QSOX2: variants seen among roughly 807,000 people sequenced by gnomAD.
QSOX2 encodes the protein sulfhydryl oxidase 2.
In QSOX2, 46 loss-of-function variants were observed where a neutral mutation model predicts 61.7. That is an observed-to-expected ratio of 0.75 (90% CI 0.59 to 0.95). The LOEUF is 0.95. Among genes scored for constraint, QSOX2 ranks in the 40% least tolerant of loss-of-function variants. The probability of loss-of-function intolerance (pLI) is 0.00; values close to 1 mark genes in which losing one functional copy is unlikely to be tolerated. For synonymous variants in QSOX2, 383 were observed against 388.4 expected (o/e 0.99, Z 0.16); for missense variants, 879 against 918.9 (o/e 0.96, Z 0.56).
intron 6 of QSOX2, among the ~76,000 whole-genome samples, chr9:136,220,738 T>C (rs1229240304): frequency 1.3e-5 from 2 of 151,996 alleles, no homozygotes; most frequent in Admixed American, 1.3e-4. Context: ...TGAGATGGAG[T>C]CTGACTCTGT....
At chr9:136,234,528 T>A (rs1363663781) in intron 1 of QSOX2, among the ~76,000 whole-genome samples, 3 of 152,112 alleles carry the variant, frequency 2.0e-5, no homozygotes, top group Non-Finnish European at 4.4e-5. Context: ...GGTGGCAAAT[T>A]CTTCTTGGCC....
chr9:136,228,851 T>C (rs1012294486), intron 1 of QSOX2, among the ~76,000 whole-genome samples: 1 of 152,220 alleles, frequency 6.6e-6, no homozygotes, highest in Non-Finnish European at 1.5e-5. Flanking sequence ...TGCCCACTTG[T>C]CTAAATCAAT....
chr9:136,244,522 TG>T (rs1299271598), intron 1 of QSOX2, among the ~76,000 whole-genome samples: 3 of 152,260 alleles, frequency 2.0e-5, no homozygotes, highest in Non-Finnish European at 4.4e-5. Flanking sequence ...AGTAGCAATT[TG>T]TTACAGATCT....
intron 1 of QSOX2, among the ~76,000 whole-genome samples, chr9:136,232,438 C>T (rs111618866): frequency 1.5e-4 from 23 of 152,220 alleles, no homozygotes; most frequent in South Asian, 4.1e-4. Context: ...ATGAGCCACA[C>T]GGCCTAGAAA....
chr9:136,230,193 G>C (rs1830317801), intron 1 of QSOX2, among the ~76,000 whole-genome samples: 1 of 152,204 alleles, frequency 6.6e-6, no homozygotes, highest in Non-Finnish European at 1.5e-5. Flanking sequence ...GCAAGAGAAT[G>C]GCATGAACCC....
Position 136,230,683 on chromosome 9 carries a change from C to T in QSOX2, c.329-3809G>A, listed in dbSNP as rs140057941. ...GTCTGCTGGTTGTTTCTACCTGTTA[C>T]TCTTCCATGATAAGCCAGTAAACAC... is the stretch of plus-strand genomic sequence containing the variant. On this transcript the variant is annotated intron_variant, in intron 1 of 11. Coordinates refer to ENST00000358701, the MANE Select transcript of QSOX2 (RefSeq NM_181701.4). Among the ~76,000 whole-genome samples the T allele has an allele frequency of 4.0e-3, 603 of 152,378 alleles. 3 individuals are homozygous for T. The highest frequency in any genetic ancestry group is 7.0e-3 in the Non-Finnish European group (477 of 68,036).
At chr9:136,240,685 AC>A (rs1402227414) in intron 1 of QSOX2, among the ~76,000 whole-genome samples, 1 of 152,076 alleles carries the variant, frequency 6.6e-6, no homozygotes, top group Non-Finnish European at 1.5e-5. Flanking sequence ...AACACAAATC[AC>A]CTAGAAGTTG....
At chr9:136,220,710 T>A (rs1831970623) in intron 6 of QSOX2, among the ~76,000 whole-genome samples, 1 of 152,120 alleles carries the variant, frequency 6.6e-6, no homozygotes, top group East Asian at 1.9e-4. Context: ...CCATTTTTCA[T>A]TTTCTTTCTT....
chr9:136,226,108 C>G (rs1588637355), intron 2 of QSOX2, among the ~76,000 whole-genome samples: 1 of 152,230 alleles, frequency 6.6e-6, no homozygotes, highest in Non-Finnish European at 1.5e-5. Context: ...CACCACACAG[C>G]AAGGCACCAG....
chr9:136,233,226 A>C (rs1425612447), intron 1 of QSOX2, among the ~76,000 whole-genome samples: 1 of 152,248 alleles, frequency 6.6e-6, no homozygotes, highest in Non-Finnish European at 1.5e-5. Flanking sequence ...AGGCCTGGGC[A>C]ATGAGAAACA....
chr9:136,222,224 G>GC lies in QSOX2; in HGVS notation c.676-284dup, dbSNP rs1409024883. 1.3e-5 allele frequency among the ~76,000 whole-genome samples: 2 copies of GC among 152,246 alleles called. No homozygotes were observed. The highest frequency in any genetic ancestry group is 4.8e-5 in the African/African-American group (2 of 41,528). ...GCACTTGACTTTCTAAAACCAGCGC[G>GC]CCCCCCACAACACTGATACTGGTCA... On this transcript the variant is annotated intron_variant, in intron 5 of 11. Coordinates refer to ENST00000358701, the MANE Select transcript of QSOX2 (RefSeq NM_181701.4). The surrounding 1 kb of genome is among the most constrained non-coding windows in gnomAD (Gnocchi z 6.9).
In QSOX2 at chr9:136,209,961, C is replaced by A. The variant is rs1831826012; in HGVS notation, c.1550-686G>T. On this transcript the variant is annotated intron_variant, in intron 11 of 11. Coordinates refer to ENST00000358701, the MANE Select transcript of QSOX2 (RefSeq NM_181701.4). This position sits in a 1 kb window ranked among gnomAD's most constrained non-coding sequence, Gnocchi z 5.6. The stretch of plus-strand genomic sequence containing the variant: ...TCCTAGCTCTCGGAGCCCCTGCGAC[C>A]CGACTTGCTGACACCTGGCCACCCT... 7 of 985,330 alleles carry A rather than the reference C, an allele frequency of 7.1e-6. No individual in the cohort carries two copies. The Admixed American group carries it at 4.3e-4, about 61-fold the overall frequency. 61.0% of individuals were successfully genotyped at this position (985,330 alleles called of 1,614,324 possible).
At chr9:136,235,732 C>T (rs967260921) in intron 1 of QSOX2, among the ~76,000 whole-genome samples, 18 of 152,188 alleles carry the variant, frequency 1.2e-4, no homozygotes, top group African/African-American at 3.9e-4. Context: ...CTGGGTCACA[C>T]CCAGGCGACC....
At chr9:136,214,185 C>T (rs1375342597) in intron 10 of QSOX2, among the ~76,000 whole-genome samples, 1 of 152,188 alleles carries the variant, frequency 6.6e-6, no homozygotes, top group East Asian at 1.9e-4. Flanking sequence ...AAATCCAATA[C>T]ATACTTTAGT....
rs61744120 is a variant in QSOX2 at position 136,218,710 on chromosome 9, G to A, written c.1055C>T (p.Thr352Met). Residue 352 changes from threonine to methionine, a missense_variant, in exon 8 of 12, where the codon ACG becomes ATG. Coordinates refer to ENST00000358701, the MANE Select transcript of QSOX2 (RefSeq NM_181701.4). ...CAAGACAGTCACAAAGTCCTTGAGC[G>A]TCTTCAGCTCTGCTCCGGCCAGGGA... ...HKSLAGAELK[T>M]LKDFVTVLAK... 12,367 of 1,613,800 alleles carry A rather than the reference G, an allele frequency of 7.7e-3. 128 individuals are homozygous for A. The highest frequency in any genetic ancestry group is 7.2e-3 in the Non-Finnish European group (8,471 of 1,179,988).
chr9:136,245,401 T>C (rs1420589957), intron 1 of QSOX2, 75 bp downstream of exon 1: 2 of 1,287,650 alleles, frequency 1.6e-6, no homozygotes, highest in African/African-American at 1.6e-5. Context: ...ACCCGCCTTC[T>C]GGGGCGGTCG....
chr9:136,236,724 C>T (rs977670033), intron 1 of QSOX2, among the ~76,000 whole-genome samples: 1 of 152,064 alleles, frequency 6.6e-6, no homozygotes, highest in African/African-American at 2.4e-5. Flanking sequence ...ACGTGGAGCT[C>T]GTCCTGGGTC....
Position 136,209,813 on chromosome 9 carries a change from T to C in QSOX2, c.1550-538A>G. On this transcript the variant is annotated intron_variant, in intron 11 of 11. Transcript: ENST00000358701. The surrounding 1 kb of genome is among the most constrained non-coding windows in gnomAD (Gnocchi z 5.6). ...CAATGAATTTCCACTGCACTTCAGG[T>C]ACACTGGCCCTTTCCGGACTACAAA... The C allele has an allele frequency of 1.0e-6, 1 of 985,316 alleles. No individual in the cohort carries two copies. The highest frequency in any genetic ancestry group is 1.2e-6 in the Non-Finnish European group (1 of 829,900). The allele number at this position is 985,316 out of a possible 1,614,324, so 61.0% of individuals were successfully genotyped here.
Position 136,211,287 on chromosome 9 carries a change from T to C in QSOX2, c.1526A>G (p.Asn509Ser). Residue 509 changes from asparagine to serine, a missense_variant, in exon 11 of 12, where the codon AAT becomes AGT. Transcript: ENST00000358701. ...QAILWLWKKH[N>S]MVNGRLAGHL... ...ACCTGCCAGGCGGCCGTTCACCATA[T>C]TATGCTTCTTCCACAGCCAGAGGAT... The C allele has an allele frequency of 6.2e-7, 1 of 1,614,198 alleles. No individual in the cohort carries two copies. Among genetic ancestry groups the C allele is most frequent in the Non-Finnish European group, 8.5e-7 (1 of 1,180,020 alleles).
Sources: gnomAD v4.1 joint callset for allele counts (sites outside exome capture counted in the v4.1 genomes callset) on GRCh38, gnomAD v4.1.1 for gene constraint, Gnocchi (gnomAD v3.1) non-coding constraint, MANE v1.5 for transcripts, NCBI Gene and HGNC (gene_info 2026-07-23, HGNC 2026-07-21) for gene names.